CDYL: variants seen among roughly 807,000 people sequenced by gnomAD.
The protein encoded by CDYL is chromodomain Y like, also known as chromodomain Y-like protein.
A neutral mutation model predicts 47.3 loss-of-function variants in CDYL; 8 were observed. The observed-to-expected ratio is 0.17, with a 90% confidence interval of 0.10 to 0.31. The LOEUF (loss-of-function observed/expected upper bound fraction) is 0.31, where lower values mean the gene tolerates loss of function less well. Ranked by LOEUF, CDYL falls within the 10% of genes least tolerant of loss-of-function variation. The pLI, the probability that CDYL is intolerant of heterozygous loss-of-function variation, is 1.00. For missense variants in CDYL, 471 were observed against 701.4 expected, an observed-to-expected ratio of 0.67 and a Z score of 3.71; for synonymous variants, 266 against 265.0, an observed-to-expected ratio of 1.00 and a Z score of -0.04.
chr6:4,733,835 C>CT lies in CDYL; in HGVS notation c.104-923dup, dbSNP rs1288227059. Among the ~76,000 whole-genome samples the CT allele has an allele frequency of 8.0e-5, 11 of 138,154 alleles. No individual in the cohort carries two copies. In the South Asian group the frequency reaches 2.5e-3, roughly 32 times the overall value. The allele number at this position is 138,154 out of a possible 152,430, so 90.6% of individuals were successfully genotyped here. On this transcript the variant is annotated intron_variant, in intron 2 of 8. Transcript: ENST00000328908. ...CTCTCTGCAGTTTCTTTTTCTTTTT[C>CT]TTTTCTTTTCTTCTTCTTTTTTTTT...
At chr6:4,933,740 G>A (rs1012816956) in intron 2 of CDYL, among the ~76,000 whole-genome samples, 9 of 152,206 alleles carry the variant, frequency 5.9e-5, no homozygotes, top group Admixed American at 5.2e-4. Context: ...CGACCCAGTG[G>A]TCTCCAGTTA....
intron 1 of CDYL, among the ~76,000 whole-genome samples, chr6:4,824,572 CATT>C (rs1283552902): frequency 2.6e-5 from 4 of 151,998 alleles, no homozygotes; most frequent in African/African-American, 4.8e-5. Context: ...GGTTATTTGT[CATT>C]GTTGTTGAGT....
At chr6:4,904,980 C>G (rs1041855062) in intron 2 of CDYL, among the ~76,000 whole-genome samples, 1 of 152,118 alleles carries the variant, frequency 6.6e-6, no homozygotes, top group Non-Finnish European at 1.5e-5. Flanking sequence ...TGTGATCGGC[C>G]GTCCCTATGT....
chr6:4,866,171 G>T (rs1466490740), intron 1 of CDYL, among the ~76,000 whole-genome samples: 1 of 152,084 alleles, frequency 6.6e-6, no homozygotes, highest in African/African-American at 2.4e-5. Context: ...ATTAAGAGTG[G>T]TTGTCAAAAT....
At chr6:4,715,613 C>A in intron 1 of CDYL, 4 of 854,294 alleles carry the variant, frequency 4.7e-6, no homozygotes, top group Non-Finnish European at 7.0e-6. Flanking sequence ...GCTTCCTCTG[C>A]ACAAGCACAA....
rs71540834 is a variant in CDYL, at chr6:4,894,834, C to CGTGTGTGTGTGTGT, written c.691+2464_691+2477dup. ...AGCCCCCTTTTTTGTCCACAAAAGT[C>CGTGTGTGTGTGTGT]GTGTGTGTGTGTGTGTGTGTGTATA... On this transcript the variant is annotated intron_variant, in intron 2 of 6. Transcript: ENST00000397588. Among the ~76,000 whole-genome samples the CGTGTGTGTGTGTGT allele has an allele frequency of 8.9e-3, 1,290 of 145,284 alleles. 27 individuals carry two copies. Among genetic ancestry groups the CGTGTGTGTGTGTGT allele is most frequent in the African/African-American group, 0.032 (1,217 of 38,318 alleles).
chr6:4,928,877 C>T lies in CDYL; in HGVS notation c.692-6638C>T, dbSNP rs140617862. ...ATATATTTGTATAGTATGTACAAAG[C>T]GGTTTTTATTCATTTTTGTTAAGTT... On this transcript the variant is annotated intron_variant, in intron 2 of 6. Coordinates refer to ENST00000397588, the MANE Select transcript of CDYL (RefSeq NM_004824.4). 5 of 151,850 alleles carry T rather than the reference C, an allele frequency of 3.3e-5. No homozygotes were observed. The East Asian group carries it at 5.8e-4, about 18-fold the overall frequency. 9.4% of individuals were successfully genotyped at this position (151,850 alleles called of 1,614,324 possible).
At chr6:4,894,182 GAGA>G (rs1325322547) in intron 2 of CDYL, among the ~76,000 whole-genome samples, 2 of 152,236 alleles carry the variant, frequency 1.3e-5, no homozygotes, top group Admixed American at 1.3e-4. Flanking sequence ...CGAGTCCAGA[GAGA>G]AGATGATGTT....
At chr6:4,781,452 A>C (rs1179789391) in intron 1 of CDYL, among the ~76,000 whole-genome samples, 2 of 152,230 alleles carry the variant, frequency 1.3e-5, no homozygotes, top group African/African-American at 2.4e-5. Flanking sequence ...AAAAGAGTTC[A>C]TTTGACTTCA....
At chr6:4,894,211 A>C (rs1762131082) in intron 2 of CDYL, among the ~76,000 whole-genome samples, 1 of 152,226 alleles carries the variant, frequency 6.6e-6, no homozygotes, top group Non-Finnish European at 1.5e-5. Context: ...AGAGAACCGA[A>C]GCCAGAAGGG....
At chr6:4,777,521 C>A (rs981054443) in intron 1 of CDYL, among the ~76,000 whole-genome samples, 2 of 152,180 alleles carry the variant, frequency 1.3e-5, no homozygotes, top group Non-Finnish European at 2.9e-5. Context: ...TGTATGTCTC[C>A]ATGTAACTTC....
chr6:4,944,416 TA>T (rs1336886501), intron 5 of CDYL, among the ~76,000 whole-genome samples: 3 of 152,178 alleles, frequency 2.0e-5, no homozygotes, highest in Non-Finnish European at 1.5e-5. Context: ...CCATCATCCT[TA>T]GGGGTGGGAT....
At chr6:4,930,905 A>G (rs866805550) in intron 2 of CDYL, among the ~76,000 whole-genome samples, 17 of 152,268 alleles carry the variant, frequency 1.1e-4, no homozygotes, top group Non-Finnish European at 2.1e-4. Flanking sequence ...TCCCGTGTCA[A>G]CGATGAGAGT....
At chr6:4,877,968 T>G (rs1244647540) in intron 1 of CDYL, among the ~76,000 whole-genome samples, 2 of 152,226 alleles carry the variant, frequency 1.3e-5, no homozygotes, top group African/African-American at 4.8e-5. Flanking sequence ...ATGGACTGTC[T>G]TTACATTCAT....
At chr6:4,713,006 G>T (rs1044855453) in intron 1 of CDYL, among the ~76,000 whole-genome samples, 5 of 152,208 alleles carry the variant, frequency 3.3e-5, no homozygotes, top group Non-Finnish European at 5.9e-5. Context: ...TTAGCGAGGT[G>T]TGGTGGTATG....
intron 1 of CDYL, among the ~76,000 whole-genome samples, chr6:4,793,264 A>C (rs906206010): frequency 6.6e-6 from 1 of 152,160 alleles, no homozygotes; most frequent in Non-Finnish European, 1.5e-5. Context: ...AGCGGGCATG[A>C]CCGCTCAGCC....
Position 4,892,442 on chromosome 6 carries a change from G to C in CDYL, c.691+63G>C, listed in dbSNP as rs568065926. The C allele has an allele frequency of 1.2e-5, 18 of 1,503,282 alleles. No individual in the cohort carries two copies. In the Admixed American group the frequency reaches 2.5e-4, roughly 21 times the overall value. 93.1% of individuals were successfully genotyped at this position (1,503,282 alleles called of 1,614,324 possible). On this transcript the variant is annotated intron_variant, in intron 2 of 6. Transcript: ENST00000397588. Reference sequence around the variant, plus strand: ...CCCAGAGGGCTCGGGTCCTTCTCTAGAGATCAGGCCTTGAGCTGGGCAGAG... The same window carrying C: ...CCCAGAGGGCTCGGGTCCTTCTCTACAGATCAGGCCTTGAGCTGGGCAGAG...
At chr6:4,734,225 T>C (rs557536352) in intron 2 of CDYL, among the ~76,000 whole-genome samples, 5 of 151,680 alleles carry the variant, frequency 3.3e-5, no homozygotes, top group African/African-American at 1.2e-4. Flanking sequence ...GTCATGCAGC[T>C]GTCCTGACAG....
At chr6:4,908,628 A>G (rs1049066525) in intron 2 of CDYL, among the ~76,000 whole-genome samples, 7 of 152,092 alleles carry the variant, frequency 4.6e-5, no homozygotes, top group Admixed American at 1.3e-4. Context: ...CTACTTTTAA[A>G]TAGTACTTAC....
Sources: allele counts gnomAD v4.1 joint callset (sites outside exome capture counted in the v4.1 genomes callset), GRCh38; gene constraint gnomAD v4.1.1; transcripts MANE v1.5; gene names NCBI Gene and HGNC (gene_info 2026-07-23, HGNC 2026-07-21).